The following MED12L variants were observed in gnomAD, a reference collection of about 807,000 sequenced individuals.
The protein encoded by MED12L is mediator of RNA polymerase II transcription subunit 12-like protein.
A neutral mutation model predicts 281.3 loss-of-function variants in MED12L; 60 were observed. That is an observed-to-expected ratio of 0.21 (90% CI 0.17 to 0.26). The LOEUF (loss-of-function observed/expected upper bound fraction) is 0.26, where lower values mean the gene tolerates loss of function less well. Ranked by LOEUF, MED12L falls within the 10% of genes least tolerant of loss-of-function variation. MED12L has a pLI of 1.00. For synonymous variants in MED12L, 974 were observed against 987.2 expected (o/e 0.99, Z 0.25); for missense variants, 2,146 against 2,680.9 (o/e 0.80, Z 4.41).
At chr3:151,346,130 C>G (rs1393693917) in intron 16 of MED12L, among the ~76,000 whole-genome samples, 2 of 152,174 alleles carry the variant, frequency 1.3e-5, no homozygotes, top group African/African-American at 4.8e-5. Context: ...ATTTGAGCTT[C>G]TTAAGTGTCT....
intron 3 of MED12L, among the ~76,000 whole-genome samples, chr3:151,118,062 G>A (rs932030181): frequency 7.0e-6 from 1 of 143,750 alleles, no homozygotes; most frequent in African/African-American, 2.7e-5. Flanking sequence ...CTGCACTCCA[G>A]CCTGGGTGAC....
At chr3:151,224,877 C>T (rs534284331) in intron 16 of MED12L, among the ~76,000 whole-genome samples, 2 of 152,202 alleles carry the variant, frequency 1.3e-5, no homozygotes, top group South Asian at 4.1e-4. Flanking sequence ...TCCTGTGTAC[C>T]CCTGATATTT....
rs562655091 is a variant in MED12L at position 151,315,938 on chromosome 3, G to A, written c.2251-34121G>A. On this transcript the variant is annotated intron_variant, in intron 16 of 44. Coordinates refer to ENST00000687756, the MANE Select transcript of MED12L (RefSeq NM_001393769.1). Reference sequence around the variant, plus strand: ...TAAAAGTCCTTATTAAAATTTAAAAGAACTGAGATCTCCATGCTTGCTTCT... The same window carrying A: ...TAAAAGTCCTTATTAAAATTTAAAAAAACTGAGATCTCCATGCTTGCTTCT... 2.5e-4 allele frequency among the ~76,000 whole-genome samples: 38 copies of A among 152,092 alleles called. 2 individuals are homozygous for A. The highest frequency in any genetic ancestry group is 7.4e-5 in the Non-Finnish European group (5 of 67,998).
intron 41 of MED12L, among the ~76,000 whole-genome samples, chr3:151,412,043 G>GTATA (rs1366529743): frequency 1.3e-5 from 2 of 152,190 alleles, no homozygotes; most frequent in Admixed American, 6.5e-5. Flanking sequence ...CCCTTAGAGT[G>GTATA]TATAACTGTA....
chr3:151,358,205 C>T (rs1754171215), intron 20 of MED12L, among the ~76,000 whole-genome samples: 1 of 151,956 alleles, frequency 6.6e-6, no homozygotes, highest in Non-Finnish European at 1.5e-5. Flanking sequence ...GAAATGCTAC[C>T]TTTATTTGTA....
intron 39 of MED12L, among the ~76,000 whole-genome samples, chr3:151,408,788 G>C (rs2108341854): frequency 6.6e-6 from 1 of 152,312 alleles, no homozygotes; most frequent in South Asian, 2.1e-4. Context: ...TGGCTAAATA[G>C]GCAATTAGTA....
intron 13 of MED12L, among the ~76,000 whole-genome samples, chr3:151,188,864 C>G (rs1336821651): frequency 6.6e-6 from 1 of 152,120 alleles, no homozygotes; most frequent in Non-Finnish European, 1.5e-5. Context: ...TACTCTATAG[C>G]CAGAGGCATG....
chr3:151,241,873 C>T (rs570779591), intron 16 of MED12L: 273 of 153,102 alleles, frequency 1.8e-3, no homozygotes, highest in Admixed American at 4.4e-3. Context: ...TCTGAGGTAC[C>T]GGGTTCATCT....
At chr3:151,414,186 T>TA (rs1175938440) in intron 42 of MED12L, among the ~76,000 whole-genome samples, 2 of 152,150 alleles carry the variant, frequency 1.3e-5, no homozygotes, top group Admixed American at 6.6e-5. Flanking sequence ...CTTGCTTATT[T>TA]AAAAAATATA....
chr3:151,380,195 C>T lies in MED12L; in HGVS notation c.4561C>T (p.Leu1521=). ...ACAAGATGAACAAAGGGAAGGCCTCCTAACATCTCTCCAGAATCAAGTTAA... is the reference window on the plus strand; with the variant it reads ...ACAAGATGAACAAAGGGAAGGCCTCTTAACATCTCTCCAGAATCAAGTTAA... ...KGQDEQREGL[L]TSLQNQVNQI... is the part of the protein sequence containing the mutation. Residue 1521 remains leucine (L), a synonymous_variant, in exon 32 of 45, where the codon CTA becomes TTA. Transcript: ENST00000687756. 1 of 1,608,692 alleles carries T rather than the reference C, an allele frequency of 6.2e-7. No homozygotes were observed. The highest frequency in any genetic ancestry group is 1.1e-5 in the South Asian group (1 of 90,516).
At chr3:151,152,020 G>T (rs1384937701) in intron 5 of MED12L, among the ~76,000 whole-genome samples, 1 of 144,892 alleles carries the variant, frequency 6.9e-6, no homozygotes. Flanking sequence ...TGTTTGAAAT[G>T]ATTTTAATTC....
At chr3:151,151,048 T>TTTTTTTTTTTTTG (rs1718423952) in intron 5 of MED12L, among the ~76,000 whole-genome samples, 1 of 127,010 alleles carries the variant, frequency 7.9e-6, no homozygotes, top group Non-Finnish European at 1.7e-5. Context: ...TTTTTTTTTT[T>TTTTTTTTTTTTTG]TTTTTTGAGA....
At chr3:151,227,564 G>A (rs1167441843) in intron 16 of MED12L, among the ~76,000 whole-genome samples, 1 of 152,208 alleles carries the variant, frequency 6.6e-6, no homozygotes, top group Non-Finnish European at 1.5e-5. Flanking sequence ...AAGAACTCCA[G>A]CCTGTCTTCA....
chr3:151,271,323 C>T (rs1740900061), intron 16 of MED12L, among the ~76,000 whole-genome samples: 1 of 152,154 alleles, frequency 6.6e-6, no homozygotes, highest in African/African-American at 2.4e-5. Flanking sequence ...GTAGTACTTT[C>T]ACCCATTAGA....
At chr3:151,313,145 G>T (rs545978263) in intron 16 of MED12L, among the ~76,000 whole-genome samples, 6 of 152,132 alleles carry the variant, frequency 3.9e-5, no homozygotes, top group South Asian at 2.1e-4. Context: ...TGAACAGAAC[G>T]TAAGCCCATC....
intron 33 of MED12L, 60 bp from the exon 34 acceptor site, chr3:151,383,719 C>A: frequency 4.7e-6 from 5 of 1,054,642 alleles, no homozygotes; most frequent in Non-Finnish European, 7.2e-6. Context: ...TAACATAAAG[C>A]AATGGGGTGT....
intron 16 of MED12L, chr3:151,327,003 G>A (rs1577338392): frequency 1.3e-5 from 2 of 152,168 alleles, no homozygotes; most frequent in Admixed American, 1.3e-4. Flanking sequence ...ATCGAGAATA[G>A]CAATTCTATT....
In MED12L at chr3:151,311,098, C is replaced by T. The variant is rs564501161; in HGVS notation, c.2251-38961C>T. Among the ~76,000 whole-genome samples the T allele has an allele frequency of 2.6e-5, 4 of 152,276 alleles. No homozygotes were observed. In the South Asian group the frequency reaches 8.3e-4, roughly 32 times the overall value. On this transcript the variant is annotated intron_variant, in intron 16 of 44. Coordinates refer to ENST00000687756, the MANE Select transcript of MED12L (RefSeq NM_001393769.1). ...CTTTGAGCACTCAAACTGAGTTCCG[C>T]ACTGGCCAGTTGTTTAGTGCCTGTC...
At chr3:151,329,210 T>C (rs1168943605) in intron 16 of MED12L, among the ~76,000 whole-genome samples, 1 of 152,192 alleles carries the variant, frequency 6.6e-6, no homozygotes, top group African/African-American at 2.4e-5. Context: ...TTTGGTACTT[T>C]TAACAGTACC....
Sources: gnomAD v4.1 joint callset for allele counts (sites outside exome capture counted in the v4.1 genomes callset) on GRCh38, gnomAD v4.1.1 for gene constraint, MANE v1.5 for transcripts, NCBI Gene and HGNC (gene_info 2026-07-23, HGNC 2026-07-21) for gene names.